The following ATP10A variants were observed in gnomAD, a reference collection of about 807,000 sequenced individuals.
ATP10A encodes the protein ATPase phospholipid transporting 10A (putative), also known as phospholipid-transporting ATPase VA.
Under a neutral mutation model 147.8 loss-of-function variants are expected in ATP10A, and 111 were observed. That is an observed-to-expected ratio of 0.75 (90% CI 0.64 to 0.88). ATP10A has a LOEUF of 0.88. Ranked by LOEUF, ATP10A falls within the 40% of genes least tolerant of loss-of-function variation. The pLI is 0.00. For missense variants in ATP10A, 1,927 were observed against 1,959.0 expected, an observed-to-expected ratio of 0.98 and a Z score of 0.31; for synonymous variants, 875 against 841.6, an observed-to-expected ratio of 1.04 and a Z score of -0.69.
intron 1 of ATP10A, among the ~76,000 whole-genome samples, chr15:25,804,962 C>T (rs1417254957): frequency 3.9e-5 from 6 of 152,172 alleles, no homozygotes; most frequent in Non-Finnish European, 4.4e-5. Context: ...GGTGGAGGCT[C>T]TTCGTTTGGA....
intron 9 of ATP10A, among the ~76,000 whole-genome samples, chr15:25,715,999 G>A (rs1372999871): frequency 2.0e-5 from 3 of 152,214 alleles, no homozygotes; most frequent in East Asian, 1.9e-4. Flanking sequence ...GCTTTCACAC[G>A]TGCAACCTTT....
At position 25,708,155 on chromosome 15, in the gene ATP10A, G is replaced by A. The variant is rs200541556; in HGVS notation, c.2448+42C>T. Reference sequence around the variant, plus strand: ...CACCGGGCGCTGCTCACTGTGGGGCGGCCACCTGCACGTGCACCCTCGCGG... The same window carrying A: ...CACCGGGCGCTGCTCACTGTGGGGCAGCCACCTGCACGTGCACCCTCGCGG... On this transcript the variant is annotated intron_variant, in intron 11 of 20. Coordinates refer to ENST00000555815, the MANE Select transcript of ATP10A (RefSeq NM_024490.4). The A allele has an allele frequency of 8.9e-5, 144 of 1,613,410 alleles. No individual in the cohort carries two copies. The East Asian group carries it at 1.4e-3, about 16-fold the overall frequency.
At chr15:25,800,577 G>A (rs1346687175) in intron 1 of ATP10A, among the ~76,000 whole-genome samples, 1 of 152,142 alleles carries the variant, frequency 6.6e-6, no homozygotes, top group Non-Finnish European at 1.5e-5. Context: ...CTGTTCCACC[G>A]TGCACCTTCC....
chr15:25,741,133 G>A (rs1180615509), intron 2 of ATP10A, among the ~76,000 whole-genome samples: 1 of 152,210 alleles, frequency 6.6e-6, no homozygotes, highest in Non-Finnish European at 1.5e-5. Context: ...TGCTTCCTGG[G>A]TGTGGCTGGA....
intron 7 of ATP10A, among the ~76,000 whole-genome samples, chr15:25,720,927 A>C (rs1438719485): frequency 6.6e-6 from 1 of 152,206 alleles, no homozygotes; most frequent in Admixed American, 6.5e-5. Flanking sequence ...CTGTTTCTGT[A>C]GCATGGACTC....
chr15:25,803,335 GCA>G (rs2140789172), intron 1 of ATP10A, among the ~76,000 whole-genome samples: 1 of 152,348 alleles, frequency 6.6e-6, no homozygotes, highest in Non-Finnish European at 1.5e-5. Context: ...GTTCTGCTGA[GCA>G]CACACCAGGT....
chr15:25,704,764 G>A (rs557752185), intron 12 of ATP10A, among the ~76,000 whole-genome samples: 1 of 152,364 alleles, frequency 6.6e-6, no homozygotes, highest in East Asian at 1.9e-4. Context: ...TTGGGGCACA[G>A]CGGCTTTCTT....
At chr15:25,805,810 AC>A (rs1017733989) in intron 1 of ATP10A, among the ~76,000 whole-genome samples, 1 of 152,162 alleles carries the variant, frequency 6.6e-6, no homozygotes, top group African/African-American at 2.4e-5. Flanking sequence ...GAAAAAGTAA[AC>A]CTGTAATTCC....
At chr15:25,842,298 G>T (rs1210683578) in intron 1 of ATP10A, among the ~76,000 whole-genome samples, 1 of 152,140 alleles carries the variant, frequency 6.6e-6, no homozygotes, top group Admixed American at 6.5e-5. Flanking sequence ...GCCTTCCTGT[G>T]CCCACACTGG....
chr15:25,843,023 A>C (rs1201915364), intron 1 of ATP10A, among the ~76,000 whole-genome samples: 1 of 152,206 alleles, frequency 6.6e-6, no homozygotes, highest in Non-Finnish European at 1.5e-5. Context: ...CTGGCCAAGC[A>C]GGCTTACTTA....
chr15:25,816,988 C>T (rs561405738), intron 1 of ATP10A, among the ~76,000 whole-genome samples: 52 of 152,232 alleles, frequency 3.4e-4, no homozygotes, highest in Middle Eastern at 6.8e-3. Flanking sequence ...AAAAAAAATC[C>T]TACCTGAATT....
intron 6 of ATP10A, among the ~76,000 whole-genome samples, chr15:25,722,219 A>G (rs1902284826): frequency 6.6e-6 from 1 of 152,118 alleles, no homozygotes; most frequent in South Asian, 2.1e-4. Context: ...TAGGACAGGA[A>G]AGAGAGAAAA....
At chr15:25,787,051 AC>A (rs1890204828) in intron 1 of ATP10A, among the ~76,000 whole-genome samples, 1 of 151,886 alleles carries the variant, frequency 6.6e-6, no homozygotes, top group Non-Finnish European at 1.5e-5. Flanking sequence ...GAACCCTCCC[AC>A]GATCCTGACA....
At chr15:25,744,608 A>C (rs1887746994) in intron 2 of ATP10A, among the ~76,000 whole-genome samples, 1 of 152,240 alleles carries the variant, frequency 6.6e-6, no homozygotes, top group South Asian at 2.1e-4. Flanking sequence ...TAGAAATTAT[A>C]AAATGTGACC....
chr15:25,771,107 A>T (rs905406995), intron 2 of ATP10A, among the ~76,000 whole-genome samples: 3 of 152,078 alleles, frequency 2.0e-5, no homozygotes, highest in African/African-American at 7.2e-5. Context: ...CCTCTGTGTA[A>T]GCCCCTAATC....
intron 1 of ATP10A, among the ~76,000 whole-genome samples, chr15:25,844,741 C>T (rs1423666738): frequency 1.3e-5 from 2 of 152,164 alleles, no homozygotes; most frequent in East Asian, 3.9e-4. Flanking sequence ...TGGCTGTGCA[C>T]GAGCTGCCAA....
At chr15:25,769,416 G>C (rs1165183847) in intron 2 of ATP10A, among the ~76,000 whole-genome samples, 3 of 150,798 alleles carry the variant, frequency 2.0e-5, no homozygotes, top group African/African-American at 7.3e-5. Context: ...AACCTGGGGG[G>C]GCGGAGGTTA....
At position 25,707,847 on chromosome 15, in the gene ATP10A, C is replaced by T. The variant is rs554220504; in HGVS notation, c.2575+129G>A. The T allele has an allele frequency of 1.1e-5, 14 of 1,304,850 alleles. No individual in the cohort carries two copies. The Admixed American group carries it at 1.7e-4, about 16-fold the overall frequency. 80.8% of individuals were successfully genotyped at this position (1,304,850 alleles called of 1,614,324 possible). A position where few individuals can be genotyped will look rare whatever the true frequency, so the allele number is the denominator to read the frequency against. On this transcript the variant is annotated intron_variant, in intron 12 of 20. Transcript: ENST00000555815. ...CACCCTCCCGCCTCGGCTGTGCCAGCGTCCTGCCAGGTGGCTCCCTAACCA... is the reference window on the plus strand; with the variant it reads ...CACCCTCCCGCCTCGGCTGTGCCAGTGTCCTGCCAGGTGGCTCCCTAACCA...
chr15:25,739,255 T>C (rs1260223828), intron 2 of ATP10A, among the ~76,000 whole-genome samples: 1 of 152,160 alleles, frequency 6.6e-6, no homozygotes, highest in East Asian at 1.9e-4. Flanking sequence ...TTTAAAGTTC[T>C]AAGTTTCCAA....
Sources: gnomAD v4.1 joint callset for allele counts (sites outside exome capture counted in the v4.1 genomes callset) on GRCh38, gnomAD v4.1.1 for gene constraint, MANE v1.5 for transcripts, NCBI Gene and HGNC (gene_info 2026-07-23, HGNC 2026-07-21) for gene names.